RANBP10: variants seen among roughly 807,000 people sequenced by gnomAD.
RANBP10 encodes the protein ran-binding protein 10.
In RANBP10, 24 loss-of-function variants were observed where a neutral mutation model predicts 72.8. The observed-to-expected ratio is 0.33, with a 90% confidence interval of 0.24 to 0.46. RANBP10 has a LOEUF of 0.46. Ranked by LOEUF, RANBP10 falls within the 20% of genes least tolerant of loss-of-function variation. The pLI is 1.00. For missense variants in RANBP10, 679 were observed against 817.5 expected (o/e 0.83, Z 2.07); for synonymous variants, 310 against 322.3 (o/e 0.96, Z 0.41).
At chr16:67,742,292 C>T (rs2053984761) in intron 4 of RANBP10, among the ~76,000 whole-genome samples, 1 of 152,150 alleles carries the variant, frequency 6.6e-6, no homozygotes, top group Non-Finnish European at 1.5e-5. Context: ...ACCTTCTCTT[C>T]TTCCTATATT....
chr16:67,731,584 G>C lies in RANBP10; in HGVS notation c.777C>G (p.Asn259Lys). 6.2e-7 allele frequency: 1 copy of C among 1,612,002 alleles called. No individual in the cohort carries two copies. The highest frequency in any genetic ancestry group is 8.5e-7 in the Non-Finnish European group (1 of 1,178,442). Residue 259 changes from asparagine to lysine, a missense_variant and splice_region_variant, in exon 7 of 14, where the codon AAC becomes AAG. Coordinates refer to ENST00000317506, the MANE Select transcript of RANBP10 (RefSeq NM_020850.3). ...RLGEWQAVLQ[N>K]MVSSYLVHHG... Reference sequence around the variant, plus strand: ...GATGCACGAGGTAAGATGAAACCATGCTAGAAGAAAGGAAGAGCTTCAGGT... The same window carrying C: ...GATGCACGAGGTAAGATGAAACCATCCTAGAAGAAAGGAAGAGCTTCAGGT...
In RANBP10 at chr16:67,731,559, G is replaced by C; in HGVS notation, c.802C>G (p.His268Asp). Reference sequence around the variant, plus strand: ...GCCGTGGCTGTGGCACAATACCCATGATGCACGAGGTAAGATGAAACCATG... The same window carrying C: ...GCCGTGGCTGTGGCACAATACCCATCATGCACGAGGTAAGATGAAACCATG... Reference protein sequence around the residue: ...QNMVSSYLVHHGYCATATAFA... With the variant: ...QNMVSSYLVHDGYCATATAFA... Residue 268 changes from histidine to aspartate, a missense_variant, in exon 7 of 14, where the codon CAT (histidine) becomes GAT (aspartate). His to Asp is a moderately conservative substitution (Grantham distance 81). Transcript: ENST00000317506. 6.2e-7 allele frequency: 1 copy of C among 1,614,158 alleles called. No individual in the cohort carries two copies. Among genetic ancestry groups the C allele is most frequent in the South Asian group, 1.1e-5 (1 of 91,086 alleles).
chr16:67,766,861 G>A (rs1327430207), intron 3 of RANBP10, among the ~76,000 whole-genome samples: 1 of 152,116 alleles, frequency 6.6e-6, no homozygotes, highest in Non-Finnish European at 1.5e-5. Context: ...GGAAAAGCCA[G>A]GGGCATCCAT....
intron 11 of RANBP10, 114 bp downstream of exon 11, chr16:67,728,276 G>T: frequency 1.7e-6 from 2 of 1,156,194 alleles, no homozygotes; most frequent in Non-Finnish European, 2.5e-6. Flanking sequence ...GACCAGGTCT[G>T]GCTGAAGCTT....
chr16:67,753,715 T>C (rs1253246915), intron 3 of RANBP10, among the ~76,000 whole-genome samples: 1 of 152,060 alleles, frequency 6.6e-6, no homozygotes, highest in Non-Finnish European at 1.5e-5. Flanking sequence ...TGAGCGAGAC[T>C]TAGGAAAGAC....
In RANBP10 at chr16:67,729,712, T is replaced by C. The variant is rs774499855; in HGVS notation, c.1115A>G (p.His372Arg). ...YPGSPSLSPR[H>R]GPSSSHMHNT... ...GTGCATGTGGGAACTACTGGGGCCATGTCGGGGACTGAGGCTGGGGGAGCC... is the reference window on the plus strand; with the variant it reads ...GTGCATGTGGGAACTACTGGGGCCACGTCGGGGACTGAGGCTGGGGGAGCC... The change falls in exon 9 of 14, where the codon CAT becomes CGT. Residue 372 changes from histidine (H) to arginine (R), a missense_variant. By Grantham distance (29) the His-to-Arg change is conservative. Transcript: ENST00000317506. This position sits in a 1 kb window ranked among gnomAD's most constrained non-coding sequence, Gnocchi z 7.1. 6.2e-7 allele frequency: 1 copy of C among 1,613,572 alleles called. No individual in the cohort carries two copies. Among genetic ancestry groups the C allele is most frequent in the Non-Finnish European group, 8.5e-7 (1 of 1,179,862 alleles).
chr16:67,731,973 C>T (rs145869778), intron 6 of RANBP10, among the ~76,000 whole-genome samples: 1 of 152,152 alleles, frequency 6.6e-6, no homozygotes, highest in Non-Finnish European at 1.5e-5. Context: ...GATAGCTTCC[C>T]GAAACTGCAG....
intron 4 of RANBP10, among the ~76,000 whole-genome samples, chr16:67,743,278 G>A (rs1476277617): frequency 2.6e-5 from 4 of 152,204 alleles, no homozygotes; most frequent in Non-Finnish European, 5.9e-5. Context: ...CCCTTTCCTG[G>A]CAGAGCTGCT....
intron 2 of RANBP10, among the ~76,000 whole-genome samples, chr16:67,789,962 T>C (rs1297727484): frequency 6.6e-6 from 1 of 151,440 alleles, no homozygotes; most frequent in African/African-American, 2.4e-5. Context: ...CTGGGCGTGG[T>C]GGTGCACACC....
Position 67,729,763 on chromosome 16 carries a change from C to T in RANBP10, c.1064G>A (p.Ser355Asn), listed in dbSNP as rs778031566. Residue 355 changes from serine to asparagine, a missense_variant, in exon 9 of 14, where the codon AGC becomes AAC. Ser to Asn is a conservative substitution (Grantham distance 46). Coordinates refer to ENST00000317506, the MANE Select transcript of RANBP10 (RefSeq NM_020850.3). This position sits in a 1 kb window ranked among gnomAD's most constrained non-coding sequence, Gnocchi z 7.1. ...DSEVRSLSSRSPKSQDSYPGS... is the reference protein window; with the variant it reads ...DSEVRSLSSRNPKSQDSYPGS... Reference sequence around the variant, plus strand: ...AGGGTAGCTGTCCTGGGACTTGGGGCTTCGGGAGCTCAAACTTCGGACCTC... The same window carrying T: ...AGGGTAGCTGTCCTGGGACTTGGGGTTTCGGGAGCTCAAACTTCGGACCTC... 24 of 1,614,000 alleles carry T rather than the reference C, an allele frequency of 1.5e-5. No individual in the cohort carries two copies. Among genetic ancestry groups the T allele is most frequent in the Non-Finnish European group, 2.0e-5 (24 of 1,180,044 alleles).
At chr16:67,734,210 G>T (rs979943728) in intron 6 of RANBP10, among the ~76,000 whole-genome samples, 5 of 152,236 alleles carry the variant, frequency 3.3e-5, no homozygotes, top group African/African-American at 9.6e-5. Context: ...ATGCCCATCT[G>T]CCCATCCTTG....
intron 1 of RANBP10, 84 bp downstream of exon 1, chr16:67,806,218 G>T: frequency 1.5e-6 from 2 of 1,299,744 alleles, no homozygotes; most frequent in Non-Finnish European, 2.1e-6. Context: ...GCAGGGAAAG[G>T]GAGGTGATAG....
Position 67,729,874 on chromosome 16 carries a change from G to GTTCCC in RANBP10, c.999-47_999-46insGGGAA. 1 of 1,613,514 alleles carries GTTCCC rather than the reference G, an allele frequency of 6.2e-7. No individual in the cohort carries two copies. Among genetic ancestry groups the GTTCCC allele is most frequent in the Non-Finnish European group, 8.5e-7 (1 of 1,179,902 alleles). ...TAATGCTCTGGTTGTGGTCCAGGTT[G>GTTCCC]ACGTTCCCACCACCAGCTGAGAGGG... On this transcript the variant is annotated intron_variant, in intron 8 of 13. Transcript: ENST00000317506. The surrounding 1 kb of genome is among the most constrained non-coding windows in gnomAD (Gnocchi z 7.1).
intron 3 of RANBP10, among the ~76,000 whole-genome samples, chr16:67,760,016 C>T (rs918485191): frequency 3.3e-5 from 5 of 151,222 alleles, no homozygotes; most frequent in Admixed American, 1.3e-4. Flanking sequence ...AGGGGAATGG[C>T]GTGAACCCAG....
rs180731908 is a variant in RANBP10 at position 67,766,872 on chromosome 16, C to T, written c.400+5162G>A. 5.9e-4 allele frequency among the ~76,000 whole-genome samples: 90 copies of T among 152,272 alleles called. 1 individual carries two copies. The Middle Eastern group carries it at 0.031, about 52-fold the overall frequency. Reference sequence around the variant, plus strand: ...TTCTGGAAAAGCCAGGGGCATCCATCCTTCCCAGGGAGAAGTGGTATCTAG... The same window carrying T: ...TTCTGGAAAAGCCAGGGGCATCCATTCTTCCCAGGGAGAAGTGGTATCTAG... On this transcript the variant is annotated intron_variant, in intron 3 of 13. Coordinates refer to ENST00000317506, the MANE Select transcript of RANBP10 (RefSeq NM_020850.3).
intron 5 of RANBP10, chr16:67,735,776 A>C (rs574493505): frequency 2.0e-5 from 3 of 151,976 alleles, no homozygotes; most frequent in East Asian, 1.9e-4. Flanking sequence ...AGAAAAAAAA[A>C]AAACAAACCA....
Position 67,727,809 on chromosome 16 carries a change from A to G in RANBP10, c.1562T>C (p.Leu521Ser). Residue 521 changes from leucine to serine, a missense_variant, in exon 12 of 14, where the codon TTG (leucine) becomes TCG (serine). By Grantham distance (145) the Leu-to-Ser change is moderately radical (BLOSUM62 -2). Transcript: ENST00000317506. ...IILFGRELQA[L>S]SEQLGREYGK... is the part of the protein sequence containing the mutation. The stretch of plus-strand genomic sequence containing the variant: ...GTACTCCCGGCCCAACTGCTCACTC[A>G]ATGCCTGCAACTCGCGGCCAAACAG... 1.9e-6 allele frequency: 3 copies of G among 1,614,072 alleles called. No homozygotes were observed. Among genetic ancestry groups the G allele is most frequent in the Non-Finnish European group, 2.5e-6 (3 of 1,180,024 alleles).
Position 67,788,536 on chromosome 16 carries a change from G to A in RANBP10, c.348-16450C>T, listed in dbSNP as rs933477920. 5.3e-5 allele frequency among the ~76,000 whole-genome samples: 8 copies of A among 150,144 alleles called. 1 individual carries two copies. Among genetic ancestry groups the A allele is most frequent in the African/African-American group, 1.7e-4 (7 of 40,482 alleles). On this transcript the variant is annotated intron_variant, in intron 2 of 13. Coordinates refer to ENST00000317506, the MANE Select transcript of RANBP10 (RefSeq NM_020850.3). ...CCTCCCAAAGTGCTGGGATTACAGCGTGAGCCAGCGCGCCCAGCCCTTTTT... is the reference window on the plus strand; with the variant it reads ...CCTCCCAAAGTGCTGGGATTACAGCATGAGCCAGCGCGCCCAGCCCTTTTT...
intron 3 of RANBP10, among the ~76,000 whole-genome samples, chr16:67,767,749 A>G (rs1255631348): frequency 2.0e-5 from 3 of 151,858 alleles, no homozygotes; most frequent in Admixed American, 2.0e-4. Flanking sequence ...GGCGCCCACC[A>G]CCGCGCCCGG....
Sources: gnomAD v4.1 joint callset for allele counts (sites outside exome capture counted in the v4.1 genomes callset) on GRCh38, gnomAD v4.1.1 for gene constraint, Gnocchi (gnomAD v3.1) non-coding constraint, MANE v1.5 for transcripts, NCBI Gene and HGNC (gene_info 2026-07-23, HGNC 2026-07-21) for gene names.